LRRK2: variants seen among roughly 807,000 people sequenced by gnomAD.
LRRK2 encodes leucine rich repeat kinase 2.
LRRK2 carries 203 observed loss-of-function variants against 302.6 expected under a neutral mutation model. That is an observed-to-expected ratio of 0.67 (90% CI 0.60 to 0.75). The LOEUF (loss-of-function observed/expected upper bound fraction) is 0.75. LRRK2 is among the 30% of genes least tolerant of loss of function. The pLI is 0.00. For synonymous variants in LRRK2, 1,066 were observed against 1,031.9 expected, an observed-to-expected ratio of 1.03 and a Z score of -0.63; for missense variants, 2,830 against 2,951.0, an observed-to-expected ratio of 0.96 and a Z score of 0.95.
At position 40,237,992 on chromosome 12, in the gene LRRK2, G is replaced by T. The variant is rs1332456664; in HGVS notation, c.460G>T (p.Asp154Tyr). 1 of 1,612,360 alleles carries T rather than the reference G, an allele frequency of 6.2e-7. No homozygotes were observed. Among genetic ancestry groups the T allele is most frequent in the Non-Finnish European group, 8.5e-7 (1 of 1,178,862 alleles). Residue 154 changes from aspartate (D) to tyrosine (Y), a missense_variant, in exon 5 of 51, where the codon GAT becomes TAT. Coordinates refer to ENST00000298910, the MANE Select transcript of LRRK2 (RefSeq NM_198578.4). The part of the protein sequence containing the change: ...TSGKITLLIL[D>Y]EESDIFMLIF... ...AGGTAAAATCACCTTGCTGATATTG[G>T]ATGAAGAAAGTGATATTTTCATGTT...
chr12:40,247,483 T>C (rs1942036313), intron 7 of LRRK2, among the ~76,000 whole-genome samples: 1 of 145,858 alleles, frequency 6.9e-6, no homozygotes, highest in Non-Finnish European at 1.5e-5. Context: ...ACATTGTATA[T>C]AAATGTGTAT....
In LRRK2 at chr12:40,287,823, C is replaced by T. The variant is rs566617361; in HGVS notation, c.2689+284C>T. Among the ~76,000 whole-genome samples the T allele has an allele frequency of 4.6e-5, 7 of 151,968 alleles. No homozygotes were observed. The South Asian group carries it at 6.2e-4, about 13-fold the overall frequency. On this transcript the variant is annotated intron_variant, in intron 20 of 50. Transcript: ENST00000298910. The stretch of plus-strand genomic sequence containing the variant: ...TTCCACGCTCTGTCATTGACTAGAT[C>T]CTTTCGTGGCTTGTGTAAGCCCCTT...
intron 43 of LRRK2, among the ~76,000 whole-genome samples, chr12:40,350,172 G>A (rs1387425380): frequency 6.6e-6 from 1 of 152,162 alleles, no homozygotes; most frequent in Non-Finnish European, 1.5e-5. Context: ...GTCCTTTGGG[G>A]TCCCAGCTTT....
chr12:40,270,293 G>A (rs1943178901), intron 14 of LRRK2, among the ~76,000 whole-genome samples: 1 of 151,916 alleles, frequency 6.6e-6, no homozygotes, highest in Admixed American at 6.6e-5. Flanking sequence ...ACATTGGCAG[G>A]GTAGATAATA....
chr12:40,364,610 T>A (rs1565784280), intron 48 of LRRK2, among the ~76,000 whole-genome samples: 1 of 151,972 alleles, frequency 6.6e-6, no homozygotes, highest in East Asian at 1.9e-4. Flanking sequence ...TTATTCATAA[T>A]TTCCTGAAAA....
chr12:40,283,381 G>A (rs1165095144), intron 18 of LRRK2, among the ~76,000 whole-genome samples: 2 of 152,192 alleles, frequency 1.3e-5, no homozygotes. Flanking sequence ...GCTCAGGAAA[G>A]CTAGACACGA....
At chr12:40,321,903 C>T in intron 35 of LRRK2, 132 bp from the exon 36 acceptor site, 1 of 806,064 alleles carries the variant, frequency 1.2e-6, no homozygotes, top group Non-Finnish European at 2.0e-6. Flanking sequence ...TGGATGAGGA[C>T]TCATATCAGT....
At chr12:40,282,121 TC>T in intron 18 of LRRK2, among the ~76,000 whole-genome samples, 1 of 62,978 alleles carries the variant, frequency 1.6e-5, no homozygotes, top group Non-Finnish European at 3.1e-5. Context: ...TTCCCTCCCC[TC>T]CCCTCCCCTC....
At chr12:40,294,711 G>C (rs1944311219) in intron 21 of LRRK2, 134 bp from the exon 22 acceptor site, 1 of 542,458 alleles carries the variant, frequency 1.8e-6, no homozygotes, top group Non-Finnish European at 3.3e-6. Context: ...TGGGTTCTTA[G>C]TTTTTACTTG....
intron 39 of LRRK2, among the ~76,000 whole-genome samples, chr12:40,330,401 G>A (rs1945679308): frequency 1.3e-5 from 2 of 152,010 alleles, no homozygotes; most frequent in Admixed American, 6.6e-5. Flanking sequence ...TCAGTCAGAT[G>A]TTTGCTCCTA....
At chr12:40,338,775 C>A (rs1219517548) in intron 40 of LRRK2, among the ~76,000 whole-genome samples, 8 of 152,126 alleles carry the variant, frequency 5.3e-5, no homozygotes. Flanking sequence ...CTTAAAGAGG[C>A]ATGTCTTATA....
chr12:40,273,150 A>G (rs2136596086), intron 14 of LRRK2, among the ~76,000 whole-genome samples: 1 of 152,108 alleles, frequency 6.6e-6, no homozygotes, highest in East Asian at 1.9e-4. Flanking sequence ...ACTTTGCACA[A>G]CTTTGAATTT....
intron 14 of LRRK2, among the ~76,000 whole-genome samples, chr12:40,265,912 T>G (rs1464432485): frequency 6.6e-6 from 1 of 152,230 alleles, no homozygotes; most frequent in African/African-American, 2.4e-5. Context: ...AACGATTCCC[T>G]ATTTAATAAA....
chr12:40,229,925 G>A (rs11175655), intron 2 of LRRK2, among the ~76,000 whole-genome samples: 14,627 of 141,882 alleles, frequency 0.1, 983 homozygotes, highest in South Asian at 0.17. Flanking sequence ...AGCTTTGTAG[G>A]TACAGAGATG....
chr12:40,268,472 A>G (rs922724711), intron 14 of LRRK2, among the ~76,000 whole-genome samples: 3 of 152,332 alleles, frequency 2.0e-5, no homozygotes, highest in Non-Finnish European at 2.9e-5. Flanking sequence ...AAAGGTTTAC[A>G]GGATGAATAT....
chr12:40,261,106 T>G (rs1942752899), intron 13 of LRRK2, among the ~76,000 whole-genome samples: 1 of 152,156 alleles, frequency 6.6e-6, no homozygotes, highest in African/African-American at 2.4e-5. Context: ...GGTGTCCTAT[T>G]CATAGTTTCA....
intron 23 of LRRK2, among the ~76,000 whole-genome samples, chr12:40,296,828 G>C (rs1944403797): frequency 6.6e-6 from 1 of 152,122 alleles, no homozygotes; most frequent in Non-Finnish European, 1.5e-5. Flanking sequence ...ATGCCCTAAT[G>C]TCTAAAATGT....
At chr12:40,246,526 T>C (rs1296365952) in intron 7 of LRRK2, among the ~76,000 whole-genome samples, 1 of 152,186 alleles carries the variant, frequency 6.6e-6, no homozygotes, top group East Asian at 1.9e-4. Flanking sequence ...TTGTATCTGA[T>C]AACTATATAT....
intron 27 of LRRK2, among the ~76,000 whole-genome samples, chr12:40,305,184 A>G (rs1355548287): frequency 1.3e-5 from 2 of 152,168 alleles, no homozygotes; most frequent in Non-Finnish European, 2.9e-5. Context: ...GCCTACAAAA[A>G]CCAAAAGAAT....
Sources: allele counts gnomAD v4.1 joint callset (sites outside exome capture counted in the v4.1 genomes callset), GRCh38; gene constraint gnomAD v4.1.1; transcripts MANE v1.5; gene names NCBI Gene and HGNC (gene_info 2026-07-23, HGNC 2026-07-21).